Variants in FLT1 observed in about 807,000 individuals in gnomAD.
The protein encoded by FLT1 is vascular endothelial growth factor receptor 1.
Under a neutral mutation model 156.3 loss-of-function variants are expected in FLT1, and 49 were observed. The observed-to-expected ratio is 0.31, with a 90% CI of 0.25 to 0.40. The LOEUF (loss-of-function observed/expected upper bound fraction) is 0.40, where lower values mean the gene tolerates loss of function less well. Among genes scored for constraint, FLT1 ranks in the 10% least tolerant of loss-of-function variants. FLT1 has a pLI of 1.00. For synonymous variants in FLT1, 594 were observed against 583.8 expected (o/e 1.02, Z -0.25); for missense variants, 1,322 against 1,637.2 (o/e 0.81, Z 3.32).
In FLT1 at chr13:28,302,350, ATGGGC is replaced by A. The variant is rs758312869; in HGVS notation, c.*812_*816del. The stretch of plus-strand genomic sequence containing the variant: ...GCATCTTACTAGAGGAGCCAAAAGT[ATGGGC>A]TCAGAGTTGAGTGCCACCCTCAGTG... On this transcript the variant is annotated 3_prime_UTR_variant, in exon 30 of 30. Coordinates refer to ENST00000282397, the MANE Select transcript of FLT1 (RefSeq NM_002019.4). The A allele has an allele frequency of 1.7e-5, 4 of 233,244 alleles. No individual in the cohort carries two copies. The highest frequency in any genetic ancestry group is 2.5e-5 in the Non-Finnish European group (3 of 118,080). 14.4% of individuals were successfully genotyped at this position (233,244 alleles called of 1,614,324 possible).
At chr13:28,321,338 T>C in intron 23 of FLT1, 125 bp downstream of exon 23, 1 of 1,205,342 alleles carries the variant, frequency 8.3e-7, no homozygotes, top group South Asian at 1.2e-5. Flanking sequence ...CTGGACTGTT[T>C]GTCTTCACAG....
chr13:28,312,607 T>A (rs1042415227), intron 25 of FLT1, among the ~76,000 whole-genome samples: 1 of 152,236 alleles, frequency 6.6e-6, no homozygotes, highest in Non-Finnish European at 1.5e-5. Context: ...TGGTTTGAGC[T>A]GGCTTCTTAA....
intron 29 of FLT1, among the ~76,000 whole-genome samples, 165 bp downstream of exon 29, chr13:28,306,513 C>A (rs1300961137): frequency 2.0e-5 from 3 of 152,174 alleles, no homozygotes; most frequent in Non-Finnish European, 4.4e-5. Context: ...GTTTGATGTT[C>A]CCCTTTTTTT....
At chr13:28,419,242 CT>C (rs1266759204) in intron 10 of FLT1, among the ~76,000 whole-genome samples, 1 of 152,136 alleles carries the variant, frequency 6.6e-6, no homozygotes, top group African/African-American at 2.4e-5. Flanking sequence ...GCTTTGTCAC[CT>C]AAAAGGGCAC....
At chr13:28,308,447 A>ATCTCGGTGGT in intron 28 of FLT1, 1 of 319,392 alleles carries the variant, frequency 3.1e-6, no homozygotes, top group Non-Finnish European at 6.1e-6. Context: ...GCTTAGGTGG[A>ATCTCGGTGGT]CCCCTCCCAG....
At position 28,448,735 on chromosome 13, in the gene FLT1, G is replaced by A. The variant is rs962092404; in HGVS notation, c.389-10390C>T. On this transcript the variant is annotated intron_variant, in intron 3 of 29. Coordinates refer to ENST00000282397, the MANE Select transcript of FLT1 (RefSeq NM_002019.4). ...AACCACTGAATCATCATTTTAAATGGGTGTGGTATGTAAATTATATCTCAA... is the reference window on the plus strand; with the variant it reads ...AACCACTGAATCATCATTTTAAATGAGTGTGGTATGTAAATTATATCTCAA... 9.9e-5 allele frequency among the ~76,000 whole-genome samples: 15 copies of A among 152,180 alleles called. No homozygotes were observed. The South Asian group carries it at 2.3e-3, about 23-fold the overall frequency.
intron 16 of FLT1, among the ~76,000 whole-genome samples, chr13:28,341,024 G>A (rs1244379296): frequency 6.6e-6 from 1 of 152,086 alleles, no homozygotes; most frequent in Non-Finnish European, 1.5e-5. Context: ...CTGTATACCC[G>A]AGCCCTGAGA....
At chr13:28,411,898 C>T (rs1555236355) in intron 10 of FLT1, among the ~76,000 whole-genome samples, 1 of 151,902 alleles carries the variant, frequency 6.6e-6, no homozygotes, top group Non-Finnish European at 1.5e-5. Flanking sequence ...ATCTCCTTCT[C>T]TTTTTTTCTT....
rs149544929 is a variant in FLT1, at chr13:28,421,077, C to A, written c.1436+6082G>T. ...TCTTGACACCATCCACCCCAGCCCC[C>A]CATAGTACTCTACTGCTGGTGCACA... On this transcript the variant is annotated intron_variant, in intron 10 of 29. Transcript: ENST00000282397. Among the ~76,000 whole-genome samples, 5 of 152,118 alleles carry A rather than the reference C, an allele frequency of 3.3e-5. 1 individual carries two copies. The East Asian group carries it at 9.7e-4, about 29-fold the overall frequency.
At chr13:28,370,896 G>A (rs1873529662) in intron 14 of FLT1, among the ~76,000 whole-genome samples, 1 of 152,130 alleles carries the variant, frequency 6.6e-6, no homozygotes, top group South Asian at 2.1e-4. Context: ...GTGTGATGAA[G>A]TAGCGACTCT....
At chr13:28,317,029 C>T (rs1307086187) in intron 25 of FLT1, among the ~76,000 whole-genome samples, 1 of 152,222 alleles carries the variant, frequency 6.6e-6, no homozygotes, top group Non-Finnish European at 1.5e-5. Flanking sequence ...AAGACCTGTT[C>T]TGCAGACCAC....
rs982013779 is a variant in FLT1, at chr13:28,430,143, T to C, written c.1013A>G (p.His338Arg). 3.1e-6 allele frequency: 5 copies of C among 1,613,082 alleles called. No individual in the cohort carries two copies. Among genetic ancestry groups the C allele is most frequent in the Admixed American group, 1.7e-5 (1 of 59,982 alleles). ...IYDKAFITVK[H>R]RKQQVLETVA... ...GGTTTCAAGCACCTGCTGTTTTCGA[T>C]GTTTCACAGTGATGAATGCTTTATC... Residue 338 changes from histidine to arginine, a missense_variant, in exon 8 of 30, where the codon CAT (histidine) becomes CGT (arginine). Transcript: ENST00000282397.
At chr13:28,460,478 T>G (rs1879504384) in intron 3 of FLT1, among the ~76,000 whole-genome samples, 1 of 152,120 alleles carries the variant, frequency 6.6e-6, no homozygotes, top group Non-Finnish European at 1.5e-5. Flanking sequence ...TGCAGACAGA[T>G]TCCTGTTGGT....
At chr13:28,407,275 C>A (rs1026144553) in intron 10 of FLT1, among the ~76,000 whole-genome samples, 1 of 152,056 alleles carries the variant, frequency 6.6e-6, no homozygotes, top group African/African-American at 2.4e-5. Flanking sequence ...TCAAACACAC[C>A]GATAAGTAGA....
intron 10 of FLT1, among the ~76,000 whole-genome samples, chr13:28,413,281 A>T (rs946958235): frequency 2.6e-5 from 4 of 152,014 alleles, no homozygotes; most frequent in Non-Finnish European, 4.4e-5. Context: ...CACACTCAGA[A>T]CATGGCCCTT....
chr13:28,320,839 A>T (rs1593678114), intron 23 of FLT1, among the ~76,000 whole-genome samples: 1 of 152,156 alleles, frequency 6.6e-6, no homozygotes, highest in African/African-American at 2.4e-5. Context: ...GCGCCCAGAC[A>T]TAAGCTTAAC....
rs1473102567 is a variant in FLT1, at chr13:28,405,799, A to C, written c.1532T>G (p.Ile511Arg). The change falls in exon 11 of 30, where the codon ATA (isoleucine) becomes AGA (arginine). Residue 511 changes from isoleucine to arginine, a missense_variant. Physicochemically the swap from Ile to Arg is moderately conservative, Grantham distance 97. Around this residue, in one of 3 missense-constraint regions of FLT1, gnomAD observed 991 missense variants for 1,254.8 expected, o/e 0.79. Coordinates refer to ENST00000282397, the MANE Select transcript of FLT1 (RefSeq NM_002019.4). Reference protein sequence around the residue: ...RIESITQRMAIIEGKNKMAST... With the variant: ...RIESITQRMARIEGKNKMAST... ...CAATACCTTATTCTTTCCTTCTATT[A>C]TTGCCATGCGCTGAGTGATGCTCTC... 1.3e-6 allele frequency: 2 copies of C among 1,588,972 alleles called. No homozygotes were observed. Among genetic ancestry groups the C allele is most frequent in the Non-Finnish European group, 1.7e-6 (2 of 1,157,632 alleles).
At chr13:28,370,135 G>T (rs1202922014) in intron 14 of FLT1, among the ~76,000 whole-genome samples, 2 of 151,996 alleles carry the variant, frequency 1.3e-5, no homozygotes, top group African/African-American at 4.8e-5. Flanking sequence ...AGTGAGCCAT[G>T]GTGACGCCAC....
intron 3 of FLT1, among the ~76,000 whole-genome samples, chr13:28,442,578 G>A (rs9513116): frequency 0.32 from 48,149 of 151,938 alleles, 7,857 homozygotes; most frequent in East Asian, 0.38. Context: ...AATTCTATCC[G>A]AAGATATCAG....
Sources: allele counts gnomAD v4.1 joint callset (sites outside exome capture counted in the v4.1 genomes callset), GRCh38; gene constraint gnomAD v4.1.1; regional missense constraint gnomAD v4.1.1; transcripts MANE v1.5; gene names NCBI Gene and HGNC (gene_info 2026-07-23, HGNC 2026-07-21).